KIF1B: variants seen among roughly 807,000 people sequenced by gnomAD.
The protein encoded by KIF1B is kinesin-like protein KIF1B.
Under a neutral mutation model 241.9 loss-of-function variants are expected in KIF1B, and 76 were observed. That is an observed-to-expected ratio of 0.31 (90% CI 0.26 to 0.38). The LOEUF (loss-of-function observed/expected upper bound fraction) is 0.38. Ranked by LOEUF, KIF1B falls within the 10% of genes least tolerant of loss-of-function variation. KIF1B has a pLI of 1.00. For missense variants in KIF1B, 1,622 were observed against 2,271.4 expected (o/e 0.71, Z 5.81); for synonymous variants, 750 against 796.7 (o/e 0.94, Z 0.99).
chr1:10,254,243 G>A (rs978617868), intron 2 of KIF1B, among the ~76,000 whole-genome samples: 2 of 152,162 alleles, frequency 1.3e-5, no homozygotes, highest in Non-Finnish European at 2.9e-5. Flanking sequence ...TAATGTGGGT[G>A]GTGAGACTTC....
rs577878227 is a variant in KIF1B, at chr1:10,373,515, G to T, written c.4947-801G>T. ...CTCCCAAAGTGCTGGGATTACAGGTGTGAGCCACTGCACCTGGCTAACTTG... is the reference window on the plus strand; with the variant it reads ...CTCCCAAAGTGCTGGGATTACAGGTTTGAGCCACTGCACCTGGCTAACTTG... On this transcript the variant is annotated intron_variant, in intron 45 of 48. Coordinates refer to ENST00000676179, the MANE Select transcript of KIF1B (RefSeq NM_001365951.3). Among the ~76,000 whole-genome samples the T allele has an allele frequency of 2.8e-3, 421 of 151,876 alleles. 2 individuals are homozygous for T. The highest frequency in any genetic ancestry group is 9.3e-3 in the African/African-American group (386 of 41,398).
intron 1 of KIF1B, among the ~76,000 whole-genome samples, chr1:10,220,896 C>T (rs1646836671): frequency 6.6e-6 from 1 of 152,010 alleles, no homozygotes; most frequent in Non-Finnish European, 1.5e-5. Context: ...CTCCTGACCT[C>T]AAGTGATCCA....
intron 15 of KIF1B, among the ~76,000 whole-genome samples, chr1:10,289,295 C>G (rs1445581137): frequency 6.6e-6 from 1 of 152,210 alleles, no homozygotes; most frequent in Non-Finnish European, 1.5e-5. Context: ...TCTTAGTACA[C>G]TGTTCTCTTA....
At position 10,374,818 on chromosome 1, in the gene KIF1B, G is replaced by A. The variant is rs773038733; in HGVS notation, c.5097-36G>A. ...TCCTCAGCACGATTATTTTCTTTTT[G>A]TGAGAAACTAACTTTTGTCATATTG... On this transcript the variant is annotated intron_variant, in intron 46 of 48. Transcript: ENST00000676179. The surrounding 1 kb of genome is among the most constrained non-coding windows in gnomAD (Gnocchi z 4.3). 18 of 1,595,774 alleles carry A rather than the reference G, an allele frequency of 1.1e-5. No homozygotes were observed. Among genetic ancestry groups the A allele is most frequent in the Non-Finnish European group, 1.5e-5 (18 of 1,163,508 alleles).
At chr1:10,308,017 T>C in intron 22 of KIF1B, 1 of 1,058,430 alleles carries the variant, frequency 9.4e-7, no homozygotes, top group Middle Eastern at 4.2e-4. Context: ...TAGGTGCAGG[T>C]TGACACTGAA....
chr1:10,282,556 T>A (rs763803878), intron 15 of KIF1B, 23 bp downstream of exon 15: 1 of 1,583,174 alleles, frequency 6.3e-7, no homozygotes, highest in South Asian at 1.1e-5. Context: ...TCAGACTGAA[T>A]ACAAGGTATT....
intron 36 of KIF1B, 116 bp downstream of exon 36, chr1:10,347,943 C>A: frequency 1.1e-6 from 1 of 883,284 alleles, no homozygotes; most frequent in Non-Finnish European, 1.8e-6. Context: ...GTGGGCGGGG[C>A]ATTGTCCTGT....
At chr1:10,269,514 CAA>C (rs1324325927) in intron 7 of KIF1B, among the ~76,000 whole-genome samples, 9 of 80,936 alleles carry the variant, frequency 1.1e-4, no homozygotes, top group South Asian at 4.3e-4. Context: ...GACTCTGTCT[CAA>C]AAAAAAAAAA....
At chr1:10,270,300 T>G (rs1648719534) in intron 7 of KIF1B, among the ~76,000 whole-genome samples, 2 of 152,224 alleles carry the variant, frequency 1.3e-5, no homozygotes, top group South Asian at 4.1e-4. Flanking sequence ...ATATATTAAT[T>G]TACATTTTCT....
intron 45 of KIF1B, among the ~76,000 whole-genome samples, chr1:10,371,936 TA>T (rs1435837385): frequency 6.6e-6 from 1 of 151,502 alleles, no homozygotes. Flanking sequence ...ACCCTGTCCC[TA>T]AAAAAAATAA....
chr1:10,337,618 G>T lies in KIF1B; in HGVS notation c.3422+85G>T. The T allele has an allele frequency of 7.0e-7, 1 of 1,420,490 alleles. No homozygotes were observed. Among genetic ancestry groups the T allele is most frequent in the Admixed American group, 1.7e-5 (1 of 59,072 alleles). 88.0% of individuals were successfully genotyped at this position (1,420,490 alleles called of 1,614,324 possible). The stretch of plus-strand genomic sequence containing the variant: ...GCACTGTAGAGTGCTTTACATGTGT[G>T]AGGGATTAACACTCTTGAGACAAAG... On this transcript the variant is annotated intron_variant, in intron 31 of 48. Transcript: ENST00000676179. This position sits in a 1 kb window ranked among gnomAD's most constrained non-coding sequence, Gnocchi z 4.0.
At chr1:10,267,880 G>T (rs182196772) in intron 6 of KIF1B, among the ~76,000 whole-genome samples, 19 of 152,274 alleles carry the variant, frequency 1.2e-4, no homozygotes, top group African/African-American at 4.3e-4. Context: ...CACCAATAAA[G>T]AATAAAAATT....
Position 10,250,097 on chromosome 1 carries a change from C to T in KIF1B, c.107-6150C>T, listed in dbSNP as rs191371001. 2.0e-5 allele frequency among the ~76,000 whole-genome samples: 3 copies of T among 152,224 alleles called. No individual in the cohort carries two copies. In the East Asian group the frequency reaches 5.8e-4, roughly 29 times the overall value. The stretch of plus-strand genomic sequence containing the variant: ...AAGTGTTGAGATTACAGGCATGAGC[C>T]ACTGAACCTGGGCCTGGTGTGTTTT... On this transcript the variant is annotated intron_variant, in intron 2 of 48. Coordinates refer to ENST00000676179, the MANE Select transcript of KIF1B (RefSeq NM_001365951.3).
At position 10,268,086 on chromosome 1, in the gene KIF1B, C is replaced by T. The variant is rs1648570032; in HGVS notation, c.609-66C>T. 4.1e-6 allele frequency: 4 copies of T among 971,416 alleles called. No homozygotes were observed. In the Admixed American group the frequency reaches 7.7e-5, roughly 19 times the overall value. The allele number at this position is 971,416 out of a possible 1,614,324, so 60.2% of individuals were successfully genotyped here. A position where few individuals can be genotyped will look rare whatever the true frequency, so the allele number is the denominator to read the frequency against. On this transcript the variant is annotated intron_variant, in intron 6 of 48. Transcript: ENST00000676179. ...GATTGTTATGCTTATAATGTGGAGC[C>T]TGCTGTCCATTTCAACTCTCATCTA...
At chr1:10,259,028 T>C (rs558044618) in intron 4 of KIF1B, among the ~76,000 whole-genome samples, 2 of 152,352 alleles carry the variant, frequency 1.3e-5, no homozygotes, top group African/African-American at 4.8e-5. Flanking sequence ...ATTCCATGCA[T>C]AGATTACCTC....
In KIF1B at chr1:10,324,768, G is replaced by A; in HGVS notation, c.2548G>A (p.Asp850Asn). Residue 850 changes from aspartate (D) to asparagine (N), a missense_variant, in exon 26 of 49, where the codon GAT becomes AAT. Transcript: ENST00000676179. The stretch of plus-strand genomic sequence containing the variant: ...GTGTTTACTAAATAGGCAGAGGCTG[G>A]ATTTGATGCGAGAGATGTATGATAG... Reference protein sequence around the residue: ...WSLEKLKQRLDLMREMYDRAG... With the variant: ...WSLEKLKQRLNLMREMYDRAG... 6.2e-7 allele frequency: 1 copy of A among 1,614,026 alleles called. No homozygotes were observed. Among genetic ancestry groups the A allele is most frequent in the Non-Finnish European group, 8.5e-7 (1 of 1,179,998 alleles).
At chr1:10,260,938 T>G (rs1338888416) in intron 4 of KIF1B, among the ~76,000 whole-genome samples, 1 of 151,880 alleles carries the variant, frequency 6.6e-6, no homozygotes, top group East Asian at 1.9e-4. Context: ...CTTCATATCT[T>G]TATTCTATAA....
intron 22 of KIF1B, among the ~76,000 whole-genome samples, chr1:10,301,576 G>A (rs547502027): frequency 6.6e-6 from 1 of 152,082 alleles, no homozygotes; most frequent in African/African-American, 2.4e-5. Flanking sequence ...TGAGGCAGGA[G>A]AATTACTTGA....
At chr1:10,276,856 G>A (rs540648758) in intron 12 of KIF1B, among the ~76,000 whole-genome samples, 5 of 152,270 alleles carry the variant, frequency 3.3e-5, no homozygotes, top group Admixed American at 1.3e-4. Context: ...CGAGGTGGGC[G>A]GATCACTTGA....
Sources: allele counts gnomAD v4.1 joint callset (sites outside exome capture counted in the v4.1 genomes callset), GRCh38; gene constraint gnomAD v4.1.1; non-coding constraint Gnocchi (gnomAD v3.1); transcripts MANE v1.5; gene names NCBI Gene and HGNC (gene_info 2026-07-23, HGNC 2026-07-21).